Variants in SEMA3C observed in about 807,000 individuals in gnomAD.
SEMA3C encodes semaphorin-3C.
SEMA3C carries 47 observed loss-of-function variants against 89.4 expected under a neutral mutation model. The ratio of observed to expected loss-of-function variants is 0.53; its 90% confidence interval spans 0.42 to 0.67. The LOEUF is 0.67. Among genes scored for constraint, SEMA3C ranks in the 30% least tolerant of loss-of-function variants. The pLI is 0.00. For synonymous variants in SEMA3C, 310 were observed against 320.2 expected (o/e 0.97, Z 0.34); for missense variants, 839 against 929.1 (o/e 0.90, Z 1.26).
chr7:80,857,151 T>A (rs1790661698), intron 2 of SEMA3C, among the ~76,000 whole-genome samples: 1 of 152,164 alleles, frequency 6.6e-6, no homozygotes, highest in Non-Finnish European at 1.5e-5. Context: ...AATTCCCGAA[T>A]TAAATGTGTT....
intron 12 of SEMA3C, among the ~76,000 whole-genome samples, chr7:80,784,337 A>T (rs1788754859): frequency 6.6e-6 from 1 of 151,966 alleles, no homozygotes; most frequent in South Asian, 2.1e-4. Flanking sequence ...GAATAAAACC[A>T]AGTGCTGATT....
At chr7:80,910,700 T>C (rs1048825812) in intron 2 of SEMA3C, among the ~76,000 whole-genome samples, 9 of 151,454 alleles carry the variant, frequency 5.9e-5, no homozygotes, top group African/African-American at 2.2e-4. Context: ...ACCAAAGTGA[T>C]AGTTCTTTAT....
intron 8 of SEMA3C, among the ~76,000 whole-genome samples, chr7:80,803,875 T>C (rs1789270396): frequency 6.6e-6 from 1 of 152,136 alleles, no homozygotes; most frequent in Non-Finnish European, 1.5e-5. Flanking sequence ...AAATAGGGTA[T>C]GTTTATCTCA....
At chr7:80,832,427 A>G (rs1237076355) in intron 2 of SEMA3C, among the ~76,000 whole-genome samples, 3 of 152,170 alleles carry the variant, frequency 2.0e-5, no homozygotes, top group Admixed American at 6.6e-5. Context: ...TAGATTATCT[A>G]TCTAATTAGA....
intron 2 of SEMA3C, among the ~76,000 whole-genome samples, chr7:80,858,744 G>A (rs926572753): frequency 1.3e-5 from 2 of 152,098 alleles, no homozygotes; most frequent in African/African-American, 2.4e-5. Flanking sequence ...ATACATATTA[G>A]AGGCCATGCT....
chr7:80,758,444 A>T lies in SEMA3C; in HGVS notation c.1530T>A (p.Ser510=). The change falls in exon 15 of 18, where the codon TCT becomes TCA. Residue 510 remains serine (S), a synonymous_variant. Coordinates refer to ENST00000265361, the MANE Select transcript of SEMA3C (RefSeq NM_006379.5). Reference sequence around the variant, plus strand: ...TACCATAGATGTGGCAGCGGTGCAGAGATACCTGGGAAACCCCTTCATTGG... The same window carrying T: ...TACCATAGATGTGGCAGCGGTGCAGTGATACCTGGGAAACCCCTTCATTGG... ...VSSNEGVSQV[S]LHRCHIYGTA... The T allele has an allele frequency of 6.2e-7, 1 of 1,614,096 alleles. No individual in the cohort carries two copies. Among genetic ancestry groups the T allele is most frequent in the East Asian group, 2.2e-5 (1 of 44,878 alleles).
Position 80,904,605 on chromosome 7 carries a change from C to T in SEMA3C, c.103+12074G>A, listed in dbSNP as rs533196072. On this transcript the variant is annotated intron_variant, in intron 2 of 17. Coordinates refer to ENST00000265361, the MANE Select transcript of SEMA3C (RefSeq NM_006379.5). Reference sequence around the variant, plus strand: ...GGGGCTAAACTTTAATTTTTAGTAACGATTGCAGCCTGAAAACTGCTAGAA... The same window carrying T: ...GGGGCTAAACTTTAATTTTTAGTAATGATTGCAGCCTGAAAACTGCTAGAA... Among the ~76,000 whole-genome samples the T allele has an allele frequency of 7.9e-5, 12 of 152,164 alleles. No individual in the cohort carries two copies. In the South Asian group the frequency reaches 1.7e-3, roughly 21 times the overall value.
intron 3 of SEMA3C, 126 bp from the exon 4 acceptor site, chr7:80,827,613 T>C (rs1024878399): frequency 9.3e-6 from 5 of 535,230 alleles, no homozygotes; most frequent in Non-Finnish European, 1.5e-5. Context: ...TAAAATTCTT[T>C]CTTTTTTATC....
chr7:80,871,750 A>T, intron 2 of SEMA3C, among the ~76,000 whole-genome samples: 1 of 152,202 alleles, frequency 6.6e-6, no homozygotes, highest in East Asian at 1.9e-4. Context: ...ATGTATTTAT[A>T]AAGCAACAGT....
intron 9 of SEMA3C, 88 bp from the exon 10 acceptor site, chr7:80,800,914 T>C: frequency 1.4e-6 from 1 of 738,100 alleles, no homozygotes. Flanking sequence ...ATTTCAACTC[T>C]GAAAAGTACT....
chr7:80,865,395 A>C (rs1790901830), intron 2 of SEMA3C, among the ~76,000 whole-genome samples: 1 of 152,140 alleles, frequency 6.6e-6, no homozygotes. Context: ...ACTACTTACT[A>C]TTCTACTAAT....
At chr7:80,857,200 A>C (rs1790662722) in intron 2 of SEMA3C, among the ~76,000 whole-genome samples, 1 of 152,176 alleles carries the variant, frequency 6.6e-6, no homozygotes, top group African/African-American at 2.4e-5. Context: ...GTTCCTTAAC[A>C]GGGTCAAATT....
rs963335989 is a variant in SEMA3C, at chr7:80,874,614, C to G, written c.103+42065G>C. Among the ~76,000 whole-genome samples, 6 of 151,850 alleles carry G rather than the reference C, an allele frequency of 4.0e-5. No homozygotes were observed. In the South Asian group the frequency reaches 1.2e-3, roughly 32 times the overall value. The stretch of plus-strand genomic sequence containing the variant: ...CCCAAGTACCTGGAATTACAGGTGT[C>G]CACCACCACACCTGGTTAATTTTTT... On this transcript the variant is annotated intron_variant, in intron 2 of 17. Coordinates refer to ENST00000265361, the MANE Select transcript of SEMA3C (RefSeq NM_006379.5).
chr7:80,755,682 T>C (rs534123143), intron 15 of SEMA3C, among the ~76,000 whole-genome samples: 6 of 152,190 alleles, frequency 3.9e-5, no homozygotes, highest in African/African-American at 1.4e-4. Context: ...AACATCTTGC[T>C]AAGTAAATAG....
intron 7 of SEMA3C, among the ~76,000 whole-genome samples, chr7:80,805,212 C>T (rs548782555): frequency 2.2e-4 from 33 of 151,862 alleles, no homozygotes; most frequent in African/African-American, 4.1e-4. Context: ...GAGGAGGCCC[C>T]GGCTATACTC....
At chr7:80,780,048 G>A (rs976809051) in intron 12 of SEMA3C, among the ~76,000 whole-genome samples, 6 of 152,130 alleles carry the variant, frequency 3.9e-5, no homozygotes, top group Admixed American at 3.3e-4. Flanking sequence ...TTACAACCTT[G>A]TGATACCCTG....
intron 2 of SEMA3C, among the ~76,000 whole-genome samples, chr7:80,900,728 G>A (rs1448735910): frequency 3.3e-5 from 5 of 152,172 alleles, no homozygotes; most frequent in Non-Finnish European, 7.3e-5. Context: ...TAAAGGTTGG[G>A]AGGGCCCATT....
intron 2 of SEMA3C, among the ~76,000 whole-genome samples, chr7:80,866,962 C>G (rs755973993): frequency 9.2e-5 from 14 of 152,140 alleles, no homozygotes; most frequent in Middle Eastern, 3.4e-3. Context: ...AACAATGGAG[C>G]CTGTGAGTCA....
chr7:80,766,737 C>T (rs1368098559), intron 12 of SEMA3C, among the ~76,000 whole-genome samples: 1 of 152,196 alleles, frequency 6.6e-6, no homozygotes, highest in Admixed American at 6.5e-5. Flanking sequence ...ACACCTGAAA[C>T]TGGTGATCAG....
Sources: gnomAD v4.1 joint callset for allele counts (sites outside exome capture counted in the v4.1 genomes callset) on GRCh38, gnomAD v4.1.1 for gene constraint, MANE v1.5 for transcripts, NCBI Gene and HGNC (gene_info 2026-07-23, HGNC 2026-07-21) for gene names.